Variants in ABLIM1 observed in about 807,000 individuals in gnomAD.
ABLIM1 encodes actin-binding LIM protein 1.
Under a neutral mutation model 107.0 loss-of-function variants are expected in ABLIM1, and 40 were observed. The observed-to-expected ratio is 0.37, with a 90% CI of 0.29 to 0.49. The LOEUF (loss-of-function observed/expected upper bound fraction) is 0.49. Ranked by LOEUF, ABLIM1 falls within the 20% of genes least tolerant of loss-of-function variation. ABLIM1 has a pLI of 0.97. For synonymous variants in ABLIM1, 357 were observed against 357.3 expected (o/e 1.00, Z 0.01); for missense variants, 857 against 1,008.5 (o/e 0.85, Z 2.04).
chr10:114,612,295 C>T (rs529606631), intron 1 of ABLIM1, among the ~76,000 whole-genome samples: 3 of 152,326 alleles, frequency 2.0e-5, no homozygotes, highest in South Asian at 2.1e-4. Context: ...AGCCCCTATC[C>T]TCGCTCTCAC....
intron 7 of ABLIM1, among the ~76,000 whole-genome samples, chr10:114,490,245 C>T (rs2058735229): frequency 6.6e-6 from 1 of 152,236 alleles, no homozygotes; most frequent in Admixed American, 6.5e-5. Context: ...GTGCTTGTCA[C>T]TTGCCTTCAT....
At chr10:114,756,564 A>C (rs1004876092) in intron 1 of ABLIM1, among the ~76,000 whole-genome samples, 1 of 152,178 alleles carries the variant, frequency 6.6e-6, no homozygotes, top group Non-Finnish European at 1.5e-5. Context: ...CCAATGACTT[A>C]AATATTTTAT....
In ABLIM1 at chr10:114,619,282, C is replaced by T. The variant is rs897373782; in HGVS notation, c.245-17321G>A. Among the ~76,000 whole-genome samples, 20 of 151,562 alleles carry T rather than the reference C, an allele frequency of 1.3e-4. No homozygotes were observed. Among genetic ancestry groups the T allele is most frequent in the Admixed American group, 5.3e-4 (8 of 15,204 alleles). On this transcript the variant is annotated intron_variant, in intron 1 of 22. Coordinates refer to ENST00000533213, the MANE Select transcript of ABLIM1 (RefSeq NM_002313.7). This position sits in a 1 kb window ranked among gnomAD's most constrained non-coding sequence, Gnocchi z 4.1. ...CACGATCTTAGCTCACTGCAACGTCCACCTCCCAGGTTCAAGCAATTCTCC... is the reference window on the plus strand; with the variant it reads ...CACGATCTTAGCTCACTGCAACGTCTACCTCCCAGGTTCAAGCAATTCTCC...
chr10:114,517,517 A>G (rs72826983), intron 6 of ABLIM1, among the ~76,000 whole-genome samples: 13,940 of 151,936 alleles, frequency 0.092, 836 homozygotes, highest in Non-Finnish European at 0.14. Flanking sequence ...GACAGAATAC[A>G]TTTCTGTCAT....
At chr10:114,508,353 A>T (rs2061425708) in intron 6 of ABLIM1, among the ~76,000 whole-genome samples, 1 of 152,206 alleles carries the variant, frequency 6.6e-6, no homozygotes. Context: ...GGTTACATTA[A>T]AGGACCTTTA....
intron 4 of ABLIM1, among the ~76,000 whole-genome samples, chr10:114,566,416 C>T (rs117425046): frequency 1.7e-3 from 260 of 152,306 alleles, no homozygotes; most frequent in Non-Finnish European, 2.7e-3. Flanking sequence ...CAGACTTTCT[C>T]TCACATCCCT....
chr10:114,441,759 G>A lies in ABLIM1; in HGVS notation c.1961C>T (p.Ala654Val), dbSNP rs1002965728. 6.2e-7 allele frequency: 1 copy of A among 1,614,060 alleles called. No homozygotes were observed. The highest frequency in any genetic ancestry group is 1.3e-5 in the African/African-American group (1 of 75,050). Residue 654 changes from alanine to valine, a missense_variant, in exon 18 of 23, where the codon GCA becomes GTA. Around this residue, in one of 5 missense-constraint regions of ABLIM1, gnomAD observed 193 missense variants for 208.5 expected, o/e 0.93. Transcript: ENST00000533213. ...ATTTCTTCCATAGCCAGGGAGAGAT[G>A]CAGTTTTAGATGATGGAATATGTGA... ...SASHIPSSKT[A>V]SLPGYGRNGL...
the ABLIM1 span, among the ~76,000 whole-genome samples, chr10:114,792,339 C>T: frequency 6.6e-6 from 1 of 152,098 alleles, no homozygotes; most frequent in African/African-American, 2.4e-5. Flanking sequence ...AAGAATCTTG[C>T]CCAAGGACAC....
At chr10:114,710,549 A>G (rs1050818957) in intron 1 of ABLIM1, among the ~76,000 whole-genome samples, 4 of 152,194 alleles carry the variant, frequency 2.6e-5, no homozygotes, top group South Asian at 4.1e-4. Context: ...AACATGTGCA[A>G]ATTATGGGAG....
At chr10:114,689,369 T>G (rs1034201531), upstream of ABLIM1, among the ~76,000 whole-genome samples, 4 of 150,292 alleles carry the variant, frequency 2.7e-5, no homozygotes, top group African/African-American at 9.8e-5. Flanking sequence ...TATTGGTTTT[T>G]TTTTTTTTTT....
intron 4 of ABLIM1, among the ~76,000 whole-genome samples, chr10:114,553,089 G>A (rs530899531): frequency 3.2e-5 from 4 of 123,980 alleles, no homozygotes; most frequent in East Asian, 2.2e-4. Flanking sequence ...AACTATTTCC[G>A]CCTTCCTGGA....
rs116017690 is a variant in ABLIM1 at position 114,668,914 on chromosome 10, G to A, written c.64+15376C>T. Among the ~76,000 whole-genome samples, 922 of 152,284 alleles carry A rather than the reference G, an allele frequency of 6.1e-3. 9 individuals carry two copies. Among genetic ancestry groups the A allele is most frequent in the African/African-American group, 0.013 (559 of 41,554 alleles). On this transcript the variant is annotated intron_variant, in intron 1 of 23. Coordinates refer to the ABLIM1 transcript ENST00000369256. Reference sequence around the variant, plus strand: ...TTTCGTAGTATCCATCCACCCGGAGGTGAGAGCTGAGCCACAGGCATAGAT... The same window carrying A: ...TTTCGTAGTATCCATCCACCCGGAGATGAGAGCTGAGCCACAGGCATAGAT...
At position 114,432,540 on chromosome 10, in the gene ABLIM1, A is replaced by T. The variant is rs1166906043; in HGVS notation, c.*3720T>A. 2 of 152,264 alleles carry T rather than the reference A, an allele frequency of 1.3e-5. No homozygotes were observed. The highest frequency in any genetic ancestry group is 2.9e-5 in the Non-Finnish European group (2 of 68,044). The allele number at this position is 152,264 out of a possible 1,614,324, so 9.4% of individuals were successfully genotyped here. A position where few individuals can be genotyped will look rare whatever the true frequency, so the allele number is the denominator to read the frequency against. On this transcript the variant is annotated 3_prime_UTR_variant, in exon 23 of 23. Transcript: ENST00000533213. Reference sequence around the variant, plus strand: ...AAAAGCATATACATTTGATATCATCATCTGAGAAGCAATTCTTAGAAAAAA... The same window carrying T: ...AAAAGCATATACATTTGATATCATCTTCTGAGAAGCAATTCTTAGAAAAAA...
chr10:114,537,033 T>C (rs1258287703), intron 6 of ABLIM1, among the ~76,000 whole-genome samples: 1 of 152,180 alleles, frequency 6.6e-6, no homozygotes, highest in African/African-American at 2.4e-5. Context: ...TTTATTGTCC[T>C]GAGAATAGGT....
At chr10:114,468,276 T>A in intron 10 of ABLIM1, 60 bp from the exon 11 acceptor site, 1 of 1,506,206 alleles carries the variant, frequency 6.6e-7, no homozygotes, top group Non-Finnish European at 9.2e-7. Context: ...CCGTTTTGTT[T>A]GTTTGTTTGT....
intron 6 of ABLIM1, among the ~76,000 whole-genome samples, chr10:114,518,508 T>G (rs779623763): frequency 5.4e-4 from 82 of 152,042 alleles, no homozygotes; most frequent in Non-Finnish European, 3.4e-4. Context: ...GACGTGGTCC[T>G]GTGCCAATAA....
In ABLIM1 at chr10:114,615,463, G is replaced by A. The variant is rs1053789700; in HGVS notation, c.245-13502C>T. ...ACCTTGTTAAAGGCAGTCTCCCTCC[G>A]ACCCCCATCTCAGTTTCCTCTCTTT... is the stretch of plus-strand genomic sequence containing the variant. On this transcript the variant is annotated intron_variant, in intron 1 of 22. Coordinates refer to ENST00000533213, the MANE Select transcript of ABLIM1 (RefSeq NM_002313.7). 1.7e-5 allele frequency: 7 copies of A among 418,794 alleles called. No individual in the cohort carries two copies. In the East Asian group the frequency reaches 3.6e-4, roughly 22 times the overall value. 25.9% of individuals were successfully genotyped at this position (418,794 alleles called of 1,614,324 possible).
At position 114,698,938 on chromosome 10, in the gene ABLIM1, G is replaced by T. The variant is rs1263834300; in HGVS notation, c.-213+69123C>A. On this transcript the variant is annotated intron_variant, in intron 1 of 15. Coordinates refer to the ABLIM1 transcript ENST00000651092. ...TTTAGAAATAAAATGGGATTAGGGG[G>T]AATCCCACAGTGACAGCTATATAAC... is the stretch of plus-strand genomic sequence containing the variant. Among the ~76,000 whole-genome samples, 3 of 151,958 alleles carry T rather than the reference G, an allele frequency of 2.0e-5. No homozygotes were observed. In the East Asian group the frequency reaches 5.8e-4, roughly 29 times the overall value.
chr10:114,597,263 G>A (rs956195234), intron 2 of ABLIM1, among the ~76,000 whole-genome samples: 17 of 152,308 alleles, frequency 1.1e-4, no homozygotes, highest in East Asian at 5.8e-4. Context: ...AAGTAAAGAC[G>A]CTAAGGAAAT....
Sources: gnomAD v4.1 joint callset for allele counts (sites outside exome capture counted in the v4.1 genomes callset) on GRCh38, gnomAD v4.1.1 for gene constraint, gnomAD v4.1.1 regional missense constraint, Gnocchi (gnomAD v3.1) non-coding constraint, MANE v1.5 for transcripts, NCBI Gene and HGNC (gene_info 2026-07-23, HGNC 2026-07-21) for gene names.